The following TENM2 variants were observed in gnomAD, a reference collection of about 807,000 sequenced individuals.
TENM2 encodes the protein teneurin-2.
Under a neutral mutation model 245.2 loss-of-function variants are expected in TENM2, and 52 were observed. That is an observed-to-expected ratio of 0.21 (90% CI 0.17 to 0.27). The LOEUF is 0.27. Ranked by LOEUF, TENM2 falls within the 10% of genes least tolerant of loss-of-function variation. The pLI, the probability that TENM2 is intolerant of heterozygous loss-of-function variation, is 1.00. For missense variants in TENM2, 3,046 were observed against 3,666.8 expected (o/e 0.83, Z 4.37); for synonymous variants, 1,363 against 1,438.9 (o/e 0.95, Z 1.19).
chr5:168,002,480 T>A (rs143608526), intron 5 of TENM2, among the ~76,000 whole-genome samples: 19 of 152,366 alleles, frequency 1.2e-4, no homozygotes, highest in African/African-American at 3.6e-4. Context: ...AAATGCATTC[T>A]GTTCTTCAGG....
intron 27 of TENM2, among the ~76,000 whole-genome samples, chr5:168,254,602 G>A (rs924980377): frequency 2.0e-5 from 3 of 152,152 alleles, no homozygotes; most frequent in Admixed American, 6.5e-5. Context: ...TAGGACATAA[G>A]GATTGCTGTT....
rs532731983 is a variant in TENM2, at chr5:167,838,220, A to G, written c.503-37766A>G. ...CAGTGAATATCTGATTACCTGGCTC[A>G]AATCTATTTCCAATGTTGGGATCTC... On this transcript the variant is annotated intron_variant, in intron 2 of 28. Transcript: ENST00000518659. Among the ~76,000 whole-genome samples the G allele has an allele frequency of 2.6e-5, 4 of 152,346 alleles. No individual in the cohort carries two copies. The East Asian group carries it at 7.7e-4, about 29-fold the overall frequency.
At chr5:167,361,466 A>C (rs911616535) in intron 1 of TENM2, among the ~76,000 whole-genome samples, 1 of 152,180 alleles carries the variant, frequency 6.6e-6, no homozygotes, top group Non-Finnish European at 1.5e-5. Context: ...TGTTTTTGTA[A>C]CTGGACATTT....
the TENM2 span, among the ~76,000 whole-genome samples, chr5:167,143,132 A>G: frequency 6.6e-6 from 1 of 152,170 alleles, no homozygotes; most frequent in Non-Finnish European, 1.5e-5. Context: ...CAAATTGTGA[A>G]TTAGGGCAAT....
chr5:168,029,923 G>T (rs895595482), intron 5 of TENM2, among the ~76,000 whole-genome samples: 5 of 152,102 alleles, frequency 3.3e-5, no homozygotes, highest in African/African-American at 1.2e-4. Context: ...CTGATAGTTT[G>T]GAAAGCAGAG....
intron 1 of TENM2, among the ~76,000 whole-genome samples, chr5:167,342,665 C>G (rs1758187042): frequency 6.6e-6 from 1 of 151,246 alleles, no homozygotes; most frequent in Admixed American, 6.6e-5. Context: ...GTAGCTGGGA[C>G]TACAGGCGCC....
intron 2 of TENM2, among the ~76,000 whole-genome samples, chr5:167,694,790 T>C (rs1757656316): frequency 6.6e-6 from 1 of 152,206 alleles, no homozygotes. Context: ...TCACTGAAAC[T>C]GGACCGTGTA....
At chr5:167,231,379 A>C in the TENM2 span, among the ~76,000 whole-genome samples, 13 of 152,206 alleles carry the variant, frequency 8.5e-5, no homozygotes, top group African/African-American at 2.4e-5. Flanking sequence ...AGTGATATGG[A>C]CAATGAAGTC....
At chr5:168,246,736 G>C (rs1367523755) in intron 26 of TENM2, 21 bp from the exon 29 acceptor site, 6 of 1,608,710 alleles carry the variant, frequency 3.7e-6, no homozygotes, top group African/African-American at 1.3e-5. Flanking sequence ...GATATGTTCT[G>C]TTCCCCTTTC....
At position 168,244,465 on chromosome 5, in the gene TENM2, C is replaced by G. The variant is rs779854073; in HGVS notation, c.5566C>G (p.Arg1856Gly). The G allele has an allele frequency of 6.3e-7, 1 of 1,584,078 alleles. No homozygotes were observed. Among genetic ancestry groups the G allele is most frequent in the South Asian group, 1.1e-5 (1 of 87,938 alleles). Residue 1856 changes from arginine to glycine, a missense_variant, in exon 26 of 29, where the codon CGG becomes GGG. Coordinates refer to ENST00000518659, the Ensembl canonical transcript of TENM2. The surrounding 1 kb of genome is among the most constrained non-coding windows in gnomAD (Gnocchi z 4.9). Reference sequence around the variant, plus strand: ...GTCCATTGACTATGATCGAAATATTCGGACTGAAAAGATCTATGATGACCA... The same window carrying G: ...GTCCATTGACTATGATCGAAATATTGGGACTGAAAAGATCTATGATGACCA...
intron 2 of TENM2, among the ~76,000 whole-genome samples, chr5:167,550,681 T>C (rs945350440): frequency 1.5e-5 from 2 of 136,126 alleles, no homozygotes; most frequent in South Asian, 2.6e-4. Flanking sequence ...CACAATTACC[T>C]TTTTTTTTGT....
chr5:168,161,123 C>G (rs1757706455), intron 12 of TENM2, among the ~76,000 whole-genome samples: 1 of 152,136 alleles, frequency 6.6e-6, no homozygotes, highest in South Asian at 2.1e-4. Context: ...TAGGTGAAGG[C>G]CTCTGGAACA....
intron 1 of TENM2, 98 bp downstream of exon 3, chr5:167,285,161 T>G (rs1771261905): frequency 1.1e-6 from 1 of 889,818 alleles, no homozygotes; most frequent in Non-Finnish European, 1.8e-6. Context: ...TGGTGGTTTT[T>G]GACAGATGTA....
chr5:167,997,960 T>C (rs181360831), intron 5 of TENM2, among the ~76,000 whole-genome samples: 6 of 152,372 alleles, frequency 3.9e-5, no homozygotes, highest in African/African-American at 1.4e-4. Flanking sequence ...TTTCTGATAC[T>C]GCAACTCCAT....
chr5:167,291,396 TATC>T (rs1044536796), intron 1 of TENM2, among the ~76,000 whole-genome samples: 2 of 152,250 alleles, frequency 1.3e-5, no homozygotes, highest in African/African-American at 2.4e-5. Context: ...CCCTCACACT[TATC>T]ATCTCTCACA....
At chr5:167,500,918 A>G (rs1320817060) in intron 2 of TENM2, among the ~76,000 whole-genome samples, 1 of 152,052 alleles carries the variant, frequency 6.6e-6, no homozygotes, top group Non-Finnish European at 1.5e-5. Context: ...TGACTCCAAG[A>G]CTCACAACTG....
intron 2 of TENM2, among the ~76,000 whole-genome samples, chr5:167,462,557 C>A (rs1766382741): frequency 6.6e-6 from 1 of 152,014 alleles, no homozygotes; most frequent in South Asian, 2.1e-4. Flanking sequence ...TCAGCCACGA[C>A]TGGGATGGAT....
chr5:167,343,319 C>T (rs1442440263), intron 1 of TENM2, among the ~76,000 whole-genome samples: 2 of 152,154 alleles, frequency 1.3e-5, no homozygotes, highest in African/African-American at 2.4e-5. Context: ...TTATACTGGA[C>T]ACCAACATCT....
intron 2 of TENM2, among the ~76,000 whole-genome samples, chr5:167,610,372 C>T (rs1007109427): frequency 6.6e-6 from 1 of 152,030 alleles, no homozygotes; most frequent in Non-Finnish European, 1.5e-5. Context: ...CCGACTCAAC[C>T]TTCAGCCCTT....
Sources: allele counts gnomAD v4.1 joint callset (sites outside exome capture counted in the v4.1 genomes callset), GRCh38; gene constraint gnomAD v4.1.1; non-coding constraint Gnocchi (gnomAD v3.1); transcripts MANE v1.5; gene names NCBI Gene and HGNC (gene_info 2026-07-23, HGNC 2026-07-21).